The following DRC7 variants were observed in gnomAD, a reference collection of about 807,000 sequenced individuals.
DRC7 encodes coiled-coil domain containing 135.
In DRC7, 80 loss-of-function variants were observed where a neutral mutation model predicts 104.4. The observed-to-expected ratio is 0.77, with a 90% CI of 0.64 to 0.92. The LOEUF is 0.92. Ranked by LOEUF, DRC7 falls within the 40% of genes least tolerant of loss-of-function variation. The pLI, the probability that DRC7 is intolerant of heterozygous loss-of-function variation, is 0.00. For missense variants in DRC7, 1,034 were observed against 1,141.1 expected (o/e 0.91, Z 1.35); for synonymous variants, 405 against 447.3 (o/e 0.91, Z 1.19).
At chr16:57,729,362 G>A (rs1216081805) in intron 17 of DRC7, among the ~76,000 whole-genome samples, 1 of 145,182 alleles carries the variant, frequency 6.9e-6, no homozygotes, top group African/African-American at 2.6e-5. Context: ...GAGTGAGTGA[G>A]TGGGCAGATG....
At position 57,700,167 on chromosome 16, in the gene DRC7, G is replaced by C. The variant is rs115434473; in HGVS notation, c.401G>C (p.Arg134Pro). 1.9e-6 allele frequency: 3 copies of C among 1,613,094 alleles called. No individual in the cohort carries two copies. The highest frequency in any genetic ancestry group is 2.5e-6 in the Non-Finnish European group (3 of 1,179,682). The change falls in exon 5 of 19, where the codon CGG becomes CCG. Residue 134 changes from arginine to proline, a missense_variant. By Grantham distance (103) the Arg-to-Pro change is moderately radical (BLOSUM62 -2). Coordinates refer to ENST00000360716, the MANE Select transcript of DRC7 (RefSeq NM_001289162.2). ...CAGAAGTTCGTGAGCACAACCCTCC[G>C]GCCCACACTGATGCCCTACCCCGAG... ...EVPKFVSTTL[R>P]PTLMPYPELY...
intron 9 of DRC7, 85 bp downstream of exon 9, chr16:57,718,560 G>T: frequency 6.6e-7 from 1 of 1,523,612 alleles, no homozygotes; most frequent in East Asian, 2.3e-5. Flanking sequence ...CATATGTGTG[G>T]CAGTGGGGGA....
In DRC7 at chr16:57,697,931, C is replaced by A; in HGVS notation, c.-19C>A. 4 of 1,607,290 alleles carry A rather than the reference C, an allele frequency of 2.5e-6. No homozygotes were observed. The highest frequency in any genetic ancestry group is 3.4e-6 in the Non-Finnish European group (4 of 1,176,856). On this transcript the variant is annotated 5_prime_UTR_variant, in exon 3 of 19. Transcript: ENST00000360716. ...CCCACAGAGACATTCCATCTCCAGA[C>A]ACCCAGAGACGCTCCAGAATGGAGG...
chr16:57,730,887 T>A (rs768160305), intron 17 of DRC7, 44 bp from the exon 18 acceptor site: 9 of 1,604,860 alleles, frequency 5.6e-6, no homozygotes, highest in Middle Eastern at 1.7e-4. Flanking sequence ...TGGGTGAAGG[T>A]CAGCCTTGTC....
intron 17 of DRC7, among the ~76,000 whole-genome samples, chr16:57,729,131 T>A (rs1597815310): frequency 7.5e-6 from 1 of 132,656 alleles, no homozygotes; most frequent in East Asian, 2.4e-4. Context: ...GGTGGGTAGA[T>A]GGATGAATGG....
At chr16:57,707,757 G>A (rs768522576) in intron 8 of DRC7, 79 bp downstream of exon 8, 2 of 1,335,186 alleles carry the variant, frequency 1.5e-6, no homozygotes, top group South Asian at 1.2e-5. Context: ...ATGGCAGCCA[G>A]ACCTTGGGGA....
chr16:57,700,379 T>A, intron 5 of DRC7, 109 bp downstream of exon 5: 3 of 1,392,378 alleles, frequency 2.2e-6, no homozygotes, highest in Non-Finnish European at 2.9e-6. Context: ...CCGGGCGTGG[T>A]AGCTCATGCC....
At chr16:57,723,775 T>C (rs902016539) in intron 12 of DRC7, among the ~76,000 whole-genome samples, 3 of 136,812 alleles carry the variant, frequency 2.2e-5, no homozygotes, top group African/African-American at 3.0e-5. Context: ...AAGAAAAGCA[T>C]AGGAGTAATA....
Position 57,700,175 on chromosome 16 carries a change from C to T in DRC7, c.409C>T (p.Leu137=). The T allele has an allele frequency of 6.2e-7, 1 of 1,613,460 alleles. No homozygotes were observed. The highest frequency in any genetic ancestry group is 8.5e-7 in the Non-Finnish European group (1 of 1,179,812). ...KFVSTTLRPT[L]MPYPELYNWD... is the part of the protein sequence containing the mutation. ...CGTGAGCACAACCCTCCGGCCCACA[C>T]TGATGCCCTACCCCGAGCTCTACAA... The change falls in exon 5 of 19, where the codon CTG becomes TTG. Residue 137 remains leucine (L), a synonymous_variant. Coordinates refer to ENST00000360716, the MANE Select transcript of DRC7 (RefSeq NM_001289162.2).
At chr16:57,701,634 A>G in intron 5 of DRC7, 1 of 286,412 alleles carries the variant, frequency 3.5e-6, no homozygotes, top group Non-Finnish European at 6.6e-6. Flanking sequence ...GCATTGGAGC[A>G]AAACAGTAAA....
chr16:57,703,262 A>G (rs932978808), intron 6 of DRC7, among the ~76,000 whole-genome samples: 4 of 149,618 alleles, frequency 2.7e-5, no homozygotes, highest in Non-Finnish European at 5.9e-5. Context: ...CTGTGTTTTT[A>G]GATCTGCTCA....
At chr16:57,702,190 T>A (rs957319806) in intron 6 of DRC7, 60 bp downstream of exon 6, 38 of 1,573,388 alleles carry the variant, frequency 2.4e-5, no homozygotes, top group Non-Finnish European at 3.0e-5. Flanking sequence ...GGTGCTGTCG[T>A]GCCATCCTTA....
chr16:57,721,602 G>T, intron 9 of DRC7, 65 bp from the exon 10 acceptor site: 1 of 1,291,498 alleles, frequency 7.7e-7, no homozygotes, highest in South Asian at 1.2e-5. Flanking sequence ...ACAGAGCTTT[G>T]ACCATAACTT....
At chr16:57,700,010 C>G in intron 4 of DRC7, 135 bp from the exon 5 acceptor site, 1 of 1,028,532 alleles carries the variant, frequency 9.7e-7, no homozygotes, top group Non-Finnish European at 1.4e-6. Context: ...CTCTGCCACC[C>G]CAGGTCATGT....
rs773070086 is a variant in DRC7, at chr16:57,726,234, G to C, written c.1925G>C (p.Ser642Thr). The change falls in exon 14 of 19, where the codon AGC (serine) becomes ACC (threonine). Residue 642 changes from serine (S) to threonine (T), a missense_variant. Coordinates refer to ENST00000360716, the MANE Select transcript of DRC7 (RefSeq NM_001289162.2). Reference sequence around the variant, plus strand: ...TTCCTGCGGCGCACCGAGGTGGACAGCAAAGGCAACAAGATCATCATGACG... The same window carrying C: ...TTCCTGCGGCGCACCGAGGTGGACACCAAAGGCAACAAGATCATCATGACG... ...REFLRRTEVDSKGNKIIMTPD... is the reference protein window; with the variant it reads ...REFLRRTEVDTKGNKIIMTPD... 11 of 1,613,028 alleles carry C rather than the reference G, an allele frequency of 6.8e-6. No homozygotes were observed. Among genetic ancestry groups the C allele is most frequent in the Non-Finnish European group, 8.5e-6 (10 of 1,179,884 alleles).
At chr16:57,699,099 G>A (rs1302920897) in intron 4 of DRC7, 75 bp downstream of exon 4, 2 of 1,526,466 alleles carry the variant, frequency 1.3e-6, no homozygotes, top group African/African-American at 2.7e-5. Context: ...AGTGGGGCAG[G>A]TTCTCCAAGG....
At chr16:57,727,475 G>A in intron 16 of DRC7, 66 bp downstream of exon 16, 4 of 1,147,854 alleles carry the variant, frequency 3.5e-6, no homozygotes, top group Non-Finnish European at 5.3e-6. Context: ...AGGGTGGTGG[G>A]GACCATGAGG....
rs751392596 is a variant in DRC7, at chr16:57,726,078, A to G, written c.1769A>G (p.Glu590Gly). ...SNPRPIVKIT[E>G]RFFRNPAKPA... ...GTTCTGGCCTCCCAGAAAATCACAG[A>G]GCGGTTCTTCCGCAACCCAGCGAAG... The change falls in exon 14 of 19, where the codon GAG becomes GGG. Residue 590 changes from glutamate to glycine, a missense_variant. Glu to Gly is a moderately conservative substitution (Grantham distance 98). Coordinates refer to ENST00000360716, the MANE Select transcript of DRC7 (RefSeq NM_001289162.2). The G allele has an allele frequency of 5.0e-6, 8 of 1,612,998 alleles. No homozygotes were observed. In the African/African-American group the frequency reaches 9.3e-5, roughly 19 times the overall value.
At chr16:57,728,264 G>T in intron 16 of DRC7, 126 bp from the exon 17 acceptor site, 2 of 832,470 alleles carry the variant, frequency 2.4e-6, no homozygotes, top group Non-Finnish European at 3.6e-6. Flanking sequence ...GGCCCATCTT[G>T]GAGGCGCCAT....
Sources: gnomAD v4.1 joint callset for allele counts (sites outside exome capture counted in the v4.1 genomes callset) on GRCh38, gnomAD v4.1.1 for gene constraint, MANE v1.5 for transcripts, NCBI Gene and HGNC (gene_info 2026-07-23, HGNC 2026-07-21) for gene names.